CSGALNACT1: variants seen among roughly 807,000 people sequenced by gnomAD.
The protein encoded by CSGALNACT1 is beta4GalNAcT-1.
CSGALNACT1 carries 52 observed loss-of-function variants against 51.0 expected under a neutral mutation model. The ratio of observed to expected loss-of-function variants is 1.02; its 90% CI spans 0.82 to 1.29. CSGALNACT1 has a LOEUF of 1.29. CSGALNACT1 is among the 50% of genes most tolerant of loss of function. CSGALNACT1 has a pLI of 0.00. For synonymous variants in CSGALNACT1, 341 were observed against 254.4 expected (o/e 1.34, Z -3.24); for missense variants, 935 against 679.2 (o/e 1.38, Z -4.19).
intron 9 of CSGALNACT1, 30 bp downstream of exon 8, chr8:19,408,583 G>C (rs1193959718): frequency 6.3e-7 from 1 of 1,596,968 alleles, no homozygotes; most frequent in Non-Finnish European, 8.6e-7. Context: ...GTGGCCTCTG[G>C]GTGGCAGTAG....
At chr8:19,485,133 G>A (rs2072545466) in intron 4 of CSGALNACT1, among the ~76,000 whole-genome samples, 1 of 152,116 alleles carries the variant, frequency 6.6e-6, no homozygotes, top group Admixed American at 6.5e-5. Context: ...CAGTTACACA[G>A]CATCTACTTG....
intron 3 of CSGALNACT1, among the ~76,000 whole-genome samples, chr8:19,522,197 G>C (rs1247192960): frequency 6.6e-6 from 1 of 152,308 alleles, no homozygotes; most frequent in East Asian, 1.9e-4. Context: ...AACCGTATTA[G>C]TGAGAGAAAT....
At chr8:19,406,627 A>T (rs1471473881) in intron 9 of CSGALNACT1, among the ~76,000 whole-genome samples, 1 of 112,334 alleles carries the variant, frequency 8.9e-6, no homozygotes, top group Non-Finnish European at 2.0e-5. Context: ...GTTTCGTAAA[A>T]AAAAAAAAAA....
At chr8:19,658,062 CAAAAAAAAAAAA>C (rs397973082) in intron 1 of CSGALNACT1, among the ~76,000 whole-genome samples, 3 of 86,714 alleles carry the variant, frequency 3.5e-5, no homozygotes, top group African/African-American at 9.9e-5. Context: ...ACCCTCCTTC[CAAAAAAAAAAAA>C]AAAAAAAAAA....
chr8:19,547,195 A>T (rs181626071), intron 3 of CSGALNACT1, among the ~76,000 whole-genome samples: 117 of 152,308 alleles, frequency 7.7e-4, no homozygotes, highest in Middle Eastern at 6.8e-3. Flanking sequence ...TTTTGTTAAA[A>T]GTCTGCTCCT....
chr8:19,666,831 G>GAGGAAGAA (rs2059263939), intron 1 of CSGALNACT1, among the ~76,000 whole-genome samples: 1 of 24,908 alleles, frequency 4.0e-5, no homozygotes, highest in South Asian at 1.3e-3. Flanking sequence ...GAGAGAGAGA[G>GAGGAAGAA]AGAAAGAAAG....
At chr8:19,536,282 T>A (rs958748328) in intron 3 of CSGALNACT1, among the ~76,000 whole-genome samples, 1 of 152,032 alleles carries the variant, frequency 6.6e-6, no homozygotes, top group Non-Finnish European at 1.5e-5. Flanking sequence ...AGGCAAGGGG[T>A]ATATGGAAAA....
intron 1 of CSGALNACT1, among the ~76,000 whole-genome samples, chr8:19,629,672 T>C (rs1332465183): frequency 6.6e-6 from 1 of 152,212 alleles, no homozygotes; most frequent in Non-Finnish European, 1.5e-5. Context: ...AATAATTAAT[T>C]ATGGTTGTTT....
intron 3 of CSGALNACT1, among the ~76,000 whole-genome samples, chr8:19,529,353 C>A (rs1388947597): frequency 6.6e-6 from 1 of 152,118 alleles, no homozygotes; most frequent in Non-Finnish European, 1.5e-5. Context: ...GGCATTTGTG[C>A]AACTGACCAG....
At chr8:19,517,060 C>G (rs2079675595) in intron 3 of CSGALNACT1, among the ~76,000 whole-genome samples, 1 of 152,136 alleles carries the variant, frequency 6.6e-6, no homozygotes, top group South Asian at 2.1e-4. Flanking sequence ...GGAGTTTATA[C>G]TCACATATCA....
chr8:19,412,580 G>T (rs964147078), intron 8 of CSGALNACT1, among the ~76,000 whole-genome samples: 5 of 152,212 alleles, frequency 3.3e-5, no homozygotes, highest in East Asian at 1.9e-4. Context: ...GCTGCGTCTG[G>T]TCTACCTTGC....
At position 19,745,886 on chromosome 8, in the gene CSGALNACT1, A is replaced by G. The variant is rs150986086; in HGVS notation, c.-297+11964T>C. Among the ~76,000 whole-genome samples, 151 of 152,276 alleles carry G rather than the reference A, an allele frequency of 9.9e-4. 2 individuals carry two copies. The highest frequency in any genetic ancestry group is 3.4e-3 in the African/African-American group (141 of 41,564). On this transcript the variant is annotated intron_variant, in intron 1 of 1. Transcript: ENST00000517494. ...TAGCAGGGAAGGAATATAAGTACAC[A>G]TCGGAAAACAGGAATTAGGGAGGGG...
At chr8:19,406,760 G>A (rs1264571024) in intron 9 of CSGALNACT1, among the ~76,000 whole-genome samples, 1 of 152,052 alleles carries the variant, frequency 6.6e-6, no homozygotes, top group African/African-American at 2.4e-5. Context: ...AAGAAACGAG[G>A]GGCTTGCAGT....
intron 8 of CSGALNACT1, among the ~76,000 whole-genome samples, chr8:19,413,035 G>A (rs970678608): frequency 6.6e-6 from 1 of 152,130 alleles, no homozygotes; most frequent in East Asian, 1.9e-4. Flanking sequence ...GAGAAATAAG[G>A]TATCCTACAT....
At chr8:19,415,716 T>C (rs535990404) in intron 8 of CSGALNACT1, among the ~76,000 whole-genome samples, 9 of 152,356 alleles carry the variant, frequency 5.9e-5, no homozygotes, top group African/African-American at 2.2e-4. Flanking sequence ...GTTAATCACA[T>C]TCTATGTCAA....
chr8:19,446,076 G>T (rs765171582), intron 5 of CSGALNACT1, among the ~76,000 whole-genome samples: 16 of 152,150 alleles, frequency 1.1e-4, no homozygotes, highest in Non-Finnish European at 2.2e-4. Context: ...TTGGGAGGCC[G>T]AGGGAGGAGA....
chr8:19,525,083 C>G (rs1404737006), intron 3 of CSGALNACT1, among the ~76,000 whole-genome samples: 4 of 152,176 alleles, frequency 2.6e-5, no homozygotes, highest in Non-Finnish European at 5.9e-5. Flanking sequence ...TCCAGCAATT[C>G]AGAAAAGCAA....
chr8:19,710,735 A>G (rs1477127866), intron 1 of CSGALNACT1, among the ~76,000 whole-genome samples: 3 of 152,320 alleles, frequency 2.0e-5, no homozygotes, highest in East Asian at 1.9e-4. Flanking sequence ...TAGAAACCCT[A>G]TAATTACTTC....
At chr8:19,672,321 A>G (rs866490269) in intron 1 of CSGALNACT1, among the ~76,000 whole-genome samples, 1 of 152,210 alleles carries the variant, frequency 6.6e-6, no homozygotes, top group African/African-American at 2.4e-5. Flanking sequence ...AAGAACATGC[A>G]ATACCCATTA....
Sources: allele counts gnomAD v4.1 joint callset (sites outside exome capture counted in the v4.1 genomes callset), GRCh38; gene constraint gnomAD v4.1.1; transcripts MANE v1.5; gene names NCBI Gene and HGNC (gene_info 2026-07-23, HGNC 2026-07-21).